GALNTL6: variants seen among roughly 807,000 people sequenced by gnomAD.
GALNTL6 encodes the protein polypeptide N-acetylgalactosaminyltransferase like 6.
Under a neutral mutation model 73.7 loss-of-function variants are expected in GALNTL6, and 46 were observed. That is an observed-to-expected ratio of 0.62 (90% CI 0.49 to 0.80). The LOEUF (loss-of-function observed/expected upper bound fraction) is 0.80. GALNTL6 is among the 30% of genes least tolerant of loss of function. The probability of loss-of-function intolerance (pLI) is 0.00; values close to 1 mark genes in which losing one functional copy is unlikely to be tolerated. For synonymous variants in GALNTL6, 259 were observed against 263.7 expected, an observed-to-expected ratio of 0.98 and a Z score of 0.17; for missense variants, 604 against 755.0, an observed-to-expected ratio of 0.80 and a Z score of 2.34.
intron 4 of GALNTL6, among the ~76,000 whole-genome samples, chr4:172,337,714 A>G (rs535602002): frequency 2.5e-4 from 25 of 101,970 alleles, no homozygotes; most frequent in African/African-American, 9.2e-4. Context: ...TTTTTTTTCT[A>G]GTGTTGACCT....
intron 7 of GALNTL6, among the ~76,000 whole-genome samples, chr4:172,865,021 C>G (rs1744591574): frequency 6.6e-6 from 1 of 151,970 alleles, no homozygotes; most frequent in South Asian, 2.1e-4. Context: ...TGTTATCTTC[C>G]TAGAAAAAAA....
intron 2 of GALNTL6, among the ~76,000 whole-genome samples, chr4:171,829,601 T>A (rs943598068): frequency 6.6e-6 from 1 of 152,280 alleles, no homozygotes; most frequent in Admixed American, 6.5e-5. Flanking sequence ...GCCTGGTTAA[T>A]TTCTACTTTT....
At chr4:172,349,446 A>G (rs1741866082) in intron 5 of GALNTL6, among the ~76,000 whole-genome samples, 1 of 152,178 alleles carries the variant, frequency 6.6e-6, no homozygotes, top group Admixed American at 6.6e-5. Flanking sequence ...ATGTCTCAAA[A>G]GAGAATACAA....
At chr4:171,888,462 T>C (rs1736666811) in intron 2 of GALNTL6, among the ~76,000 whole-genome samples, 1 of 151,698 alleles carries the variant, frequency 6.6e-6, no homozygotes, top group African/African-American at 2.4e-5. Context: ...TATCCTGACA[T>C]AATCAAATCG....
At chr4:172,374,109 G>T (rs138482419) in intron 5 of GALNTL6, among the ~76,000 whole-genome samples, 3,102 of 152,262 alleles carry the variant, frequency 0.02, 96 homozygotes, top group African/African-American at 0.07. Flanking sequence ...AGTGGACATG[G>T]ACGATGGGGC....
chr4:171,818,365 A>G (rs1423558815), intron 2 of GALNTL6, among the ~76,000 whole-genome samples: 1 of 151,890 alleles, frequency 6.6e-6, no homozygotes, highest in Non-Finnish European at 1.5e-5. Flanking sequence ...AAAAACCCCA[A>G]ATTCCAAAAA....
In GALNTL6 at chr4:171,919,111, A is replaced by G. The variant is rs114453849; in HGVS notation, c.138+104393A>G. 2.7e-3 allele frequency among the ~76,000 whole-genome samples: 413 copies of G among 152,226 alleles called. 2 individuals are homozygous for G. The highest frequency in any genetic ancestry group is 9.6e-3 in the African/African-American group (400 of 41,558). On this transcript the variant is annotated intron_variant, in intron 2 of 12. Coordinates refer to ENST00000506823, the MANE Select transcript of GALNTL6 (RefSeq NM_001034845.3). The stretch of plus-strand genomic sequence containing the variant: ...GTCAACAATAATATATTGTACACTT[A>G]AAATTTTGTTAAGATGGCAAATATC...
intron 5 of GALNTL6, among the ~76,000 whole-genome samples, chr4:172,499,330 C>T (rs898545931): frequency 3.9e-5 from 6 of 152,074 alleles, no homozygotes; most frequent in Non-Finnish European, 7.4e-5. Context: ...CTCTCTCCAC[C>T]ATGTCAAGAT....
intron 2 of GALNTL6, among the ~76,000 whole-genome samples, chr4:171,846,791 T>C (rs1467197851): frequency 6.8e-6 from 1 of 148,016 alleles, no homozygotes; most frequent in African/African-American, 2.5e-5. Context: ...TATAGAAAGC[T>C]ATATAATGAT....
chr4:172,279,869 A>G (rs1189211619), intron 3 of GALNTL6, among the ~76,000 whole-genome samples: 1 of 152,190 alleles, frequency 6.6e-6, no homozygotes, highest in East Asian at 1.9e-4. Context: ...ATTGTAGACT[A>G]TCCACACAAT....
At chr4:172,066,140 T>C (rs1731356313) in intron 2 of GALNTL6, among the ~76,000 whole-genome samples, 1 of 152,190 alleles carries the variant, frequency 6.6e-6, no homozygotes, top group African/African-American at 2.4e-5. Context: ...TCACTCTTGA[T>C]GTTGTGCATT....
chr4:172,169,926 CACA>C (rs1047152075), intron 2 of GALNTL6, among the ~76,000 whole-genome samples: 2 of 152,316 alleles, frequency 1.3e-5, no homozygotes, highest in African/African-American at 4.8e-5. Context: ...ATTTGGTCAT[CACA>C]ACAACTCTTT....
At chr4:171,845,504 T>C (rs1343694428) in intron 2 of GALNTL6, among the ~76,000 whole-genome samples, 1 of 152,214 alleles carries the variant, frequency 6.6e-6, no homozygotes, top group Non-Finnish European at 1.5e-5. Flanking sequence ...GATTTCATAG[T>C]CTAACTCCCT....
intron 5 of GALNTL6, among the ~76,000 whole-genome samples, chr4:172,762,040 G>A (rs1377485407): frequency 6.6e-6 from 1 of 152,152 alleles, no homozygotes; most frequent in Non-Finnish European, 1.5e-5. Context: ...CAAAGAATGG[G>A]TAAATGTTTA....
rs60870698 is a variant in GALNTL6, at chr4:172,831,157, C to CAAAAAAAAAAAAA, written c.923+17455_923+17467dup. 5.0e-4 allele frequency among the ~76,000 whole-genome samples: 32 copies of CAAAAAAAAAAAAA among 63,902 alleles called. 1 individual carries two copies. The highest frequency in any genetic ancestry group is 1.6e-3 in the South Asian group (2 of 1,224). The allele number at this position is 63,902 out of a possible 152,430, so 41.9% of individuals were successfully genotyped here. On this transcript the variant is annotated intron_variant, in intron 7 of 12. Transcript: ENST00000506823. Reference sequence around the variant, plus strand: ...TGGGTGACAGAATGAGACTCCCTCTCAAAAAAAAAAAAAAAAAAAAAAAAA... The same window carrying CAAAAAAAAAAAAA: ...TGGGTGACAGAATGAGACTCCCTCTCAAAAAAAAAAAAAAAAAAAAAAAAAAAAAAAAAAAAAA...
chr4:172,366,680 A>G (rs1742576829), intron 5 of GALNTL6, among the ~76,000 whole-genome samples: 1 of 152,166 alleles, frequency 6.6e-6, no homozygotes, highest in Admixed American at 6.5e-5. Flanking sequence ...GGTCTGTGTG[A>G]ATAATCATCC....
intron 5 of GALNTL6, among the ~76,000 whole-genome samples, chr4:172,552,706 G>A (rs1327434594): frequency 2.0e-5 from 3 of 149,224 alleles, no homozygotes; most frequent in African/African-American, 7.4e-5. Flanking sequence ...ACGTGTGAGA[G>A]TTAATCTTAA....
chr4:172,730,522 A>G (rs888369128), intron 5 of GALNTL6, among the ~76,000 whole-genome samples: 1 of 152,164 alleles, frequency 6.6e-6, no homozygotes, highest in Admixed American at 6.5e-5. Context: ...ATGTGATGTA[A>G]CACATTTATT....
chr4:172,403,040 A>T (rs1744096183), intron 5 of GALNTL6, among the ~76,000 whole-genome samples: 1 of 152,050 alleles, frequency 6.6e-6, no homozygotes, highest in African/African-American at 2.4e-5. Context: ...TGTAGAAAGG[A>T]ATAAGACAAT....
Sources: allele counts gnomAD v4.1 joint callset (sites outside exome capture counted in the v4.1 genomes callset), GRCh38; gene constraint gnomAD v4.1.1; transcripts MANE v1.5; gene names NCBI Gene and HGNC (gene_info 2026-07-23, HGNC 2026-07-21).